The following FLI1 variants were observed in gnomAD, a reference collection of about 807,000 sequenced individuals.
The protein encoded by FLI1 is Fli-1 proto-oncogene, ETS transcription factor.
Under a neutral mutation model 53.1 loss-of-function variants are expected in FLI1, and 13 were observed. The observed-to-expected ratio is 0.24, with a 90% CI of 0.16 to 0.39. The LOEUF is 0.39. Ranked by LOEUF, FLI1 falls within the 10% of genes least tolerant of loss-of-function variation. The pLI is 1.00. For synonymous variants in FLI1, 244 were observed against 236.7 expected, an observed-to-expected ratio of 1.03 and a Z score of -0.28; for missense variants, 424 against 600.5, an observed-to-expected ratio of 0.71 and a Z score of 3.07.
chr11:128,800,220 C>G (rs2284788), intron 5 of FLI1, among the ~76,000 whole-genome samples: 1 of 152,194 alleles, frequency 6.6e-6, no homozygotes, highest in African/African-American at 2.4e-5. Context: ...GAAAGGTCTG[C>G]ATTCAGAAGC....
At chr11:128,736,204 G>C (rs1018626515) in intron 1 of FLI1, among the ~76,000 whole-genome samples, 1 of 107,328 alleles carries the variant, frequency 9.3e-6, no homozygotes, top group African/African-American at 3.6e-5. Context: ...ATTATTCTTT[G>C]CTTTCCTTTC....
At chr11:128,686,546 A>G (rs1234746964) in exon 1 of FLI1, 1 of 447,016 alleles carries the variant, frequency 2.2e-6, no homozygotes, top group Non-Finnish European at 4.5e-6. Flanking sequence ...CAGTCTCTCC[A>G]TCTGCATCCC....
At chr11:128,727,582 G>T (rs1185696040) in intron 1 of FLI1, among the ~76,000 whole-genome samples, 1 of 152,228 alleles carries the variant, frequency 6.6e-6, no homozygotes, top group Non-Finnish European at 1.5e-5. Flanking sequence ...CTGACTTGCT[G>T]CAGCCCAAGA....
At chr11:128,728,759 C>A (rs754042457) in intron 1 of FLI1, among the ~76,000 whole-genome samples, 1 of 152,248 alleles carries the variant, frequency 6.6e-6, no homozygotes, top group Non-Finnish European at 1.5e-5. Flanking sequence ...CCCTGGTGGG[C>A]ATCCCAGCTG....
upstream of FLI1, chr11:128,693,916 A>C: frequency 3.8e-6 from 1 of 264,314 alleles, no homozygotes. Context: ...AGCAGAGGGG[A>C]GAGAAGAGAG....
intron 4 of FLI1, 76 bp from the exon 5 acceptor site, chr11:128,781,882 C>A: frequency 8.7e-7 from 1 of 1,145,152 alleles, no homozygotes; most frequent in South Asian, 1.2e-5. Context: ...CCTTTCTACT[C>A]CCTCCTCATG....
upstream of FLI1, chr11:128,692,708 G>C (rs1937803990): frequency 6.6e-6 from 1 of 152,180 alleles, no homozygotes; most frequent in Non-Finnish European, 1.5e-5. Context: ...AATTGACTTG[G>C]ATCTCCTCTG....
At chr11:128,697,273 G>A (rs575696544) in intron 1 of FLI1, among the ~76,000 whole-genome samples, 1 of 152,344 alleles carries the variant, frequency 6.6e-6, no homozygotes, top group East Asian at 1.9e-4. Context: ...CTGACTCAGT[G>A]CACGTGGTGT....
intron 1 of FLI1, among the ~76,000 whole-genome samples, chr11:128,711,113 T>C (rs1454337960): frequency 6.6e-6 from 1 of 152,230 alleles, no homozygotes; most frequent in Non-Finnish European, 1.5e-5. Context: ...ATTTGAAATA[T>C]GGCTAGAGAA....
At chr11:128,795,955 C>G (rs888241236) in intron 5 of FLI1, among the ~76,000 whole-genome samples, 9 of 152,162 alleles carry the variant, frequency 5.9e-5, no homozygotes, top group Non-Finnish European at 1.2e-4. Flanking sequence ...GGAATAATCA[C>G]ACCACTCTCT....
Position 128,764,736 on chromosome 11 carries a change from C to T in FLI1, c.231-3382C>T, listed in dbSNP as rs575343380. The T allele has an allele frequency of 7.1e-5, 111 of 1,574,208 alleles. No individual in the cohort carries two copies. In the East Asian group the frequency reaches 8.0e-4, roughly 11 times the overall value. ...AGCGGCAGCCGTGGAGCCCCATGGC[C>T]GCACGCAGGGCTTGCGCTGGCTGGA... On this transcript the variant is annotated intron_variant, in intron 2 of 8. Transcript: ENST00000527786.
chr11:128,781,262 AGTAACATACCT>A (rs1443006861), intron 4 of FLI1, among the ~76,000 whole-genome samples: 1 of 152,188 alleles, frequency 6.6e-6, no homozygotes, highest in Non-Finnish European at 1.5e-5. Flanking sequence ...CCCCTCCACC[AGTAACATACCT>A]GTGTACCTTA....
Position 128,811,208 on chromosome 11 carries a change from A to G in FLI1, c.*220A>G, listed in dbSNP as rs537880683. On this transcript the variant is annotated 3_prime_UTR_variant, in exon 9 of 9. Transcript: ENST00000527786. ...AAAGAGATGAATAATTCCATGGGCC[A>G]GTATGCCAGTTTGAATTCTCAGTCT... is the stretch of plus-strand genomic sequence containing the variant. The G allele has an allele frequency of 2.5e-5, 14 of 567,876 alleles. No homozygotes were observed. The highest frequency in any genetic ancestry group is 3.7e-5 in the African/African-American group (2 of 53,340). The allele number at this position is 567,876 out of a possible 1,614,324, so 35.2% of individuals were successfully genotyped here. A position where few individuals can be genotyped will look rare whatever the true frequency, so the allele number is the denominator to read the frequency against.
At chr11:128,721,781 C>G (rs1342094405) in intron 1 of FLI1, among the ~76,000 whole-genome samples, 1 of 152,206 alleles carries the variant, frequency 6.6e-6, no homozygotes, top group African/African-American at 2.4e-5. Context: ...ACAAATGAAT[C>G]TGAAGCTTGC....
chr11:128,729,088 T>G (rs1939594735), intron 1 of FLI1, among the ~76,000 whole-genome samples: 1 of 152,226 alleles, frequency 6.6e-6, no homozygotes, highest in Admixed American at 6.5e-5. Context: ...GAGTTTCAGC[T>G]GCAGGGATTC....
At chr11:128,713,763 G>T (rs1938891739) in intron 1 of FLI1, among the ~76,000 whole-genome samples, 1 of 152,156 alleles carries the variant, frequency 6.6e-6, no homozygotes, top group South Asian at 2.1e-4. Flanking sequence ...TGACATTTAG[G>T]CCGAACCCTG....
At chr11:128,777,229 G>A (rs1367355146) in intron 4 of FLI1, among the ~76,000 whole-genome samples, 2 of 152,164 alleles carry the variant, frequency 1.3e-5, no homozygotes, top group Non-Finnish European at 2.9e-5. Context: ...GGGAGTTTGC[G>A]CAAGGCTGGG....
chr11:128,698,874 GA>G (rs1289826464), intron 1 of FLI1, among the ~76,000 whole-genome samples: 11 of 152,058 alleles, frequency 7.2e-5, no homozygotes, highest in Non-Finnish European at 1.3e-4. Flanking sequence ...TATCCTTAAA[GA>G]AAAGAAGAAA....
At chr11:128,801,182 T>G (rs972185274) in intron 5 of FLI1, among the ~76,000 whole-genome samples, 1 of 152,200 alleles carries the variant, frequency 6.6e-6, no homozygotes, top group East Asian at 1.9e-4. Context: ...CGCTCAGGCT[T>G]CTTCTCATAG....
Sources: allele counts gnomAD v4.1 joint callset (sites outside exome capture counted in the v4.1 genomes callset), GRCh38; gene constraint gnomAD v4.1.1; transcripts MANE v1.5; gene names NCBI Gene and HGNC (gene_info 2026-07-23, HGNC 2026-07-21).